Variants in RAF1 observed in about 807,000 individuals in gnomAD.
The protein encoded by RAF1 is Raf-1 proto-oncogene, serine/threonine kinase.
RAF1 carries 27 observed loss-of-function variants against 81.1 expected under a neutral mutation model. The ratio of observed to expected loss-of-function variants is 0.33; its 90% CI spans 0.25 to 0.46. The LOEUF (loss-of-function observed/expected upper bound fraction) is 0.46. RAF1 is among the 20% of genes least tolerant of loss of function. The pLI, the probability that RAF1 is intolerant of heterozygous loss-of-function variation, is 1.00. For synonymous variants in RAF1, 298 were observed against 294.0 expected (o/e 1.01, Z -0.14); for missense variants, 598 against 826.0 (o/e 0.72, Z 3.38).
At chr3:12,623,262 G>A (rs2059602258) in intron 1 of RAF1, among the ~76,000 whole-genome samples, 1 of 152,116 alleles carries the variant, frequency 6.6e-6, no homozygotes, top group African/African-American at 2.4e-5. Context: ...GATTGGTGAA[G>A]AATCCACTGA....
intron 1 of RAF1, among the ~76,000 whole-genome samples, chr3:12,639,882 T>C (rs912188575): frequency 1.3e-5 from 2 of 152,090 alleles, no homozygotes; most frequent in Admixed American, 1.3e-4. Context: ...AAAGTTCATA[T>C]GGAACCAAAA....
At chr3:12,619,195 A>G (rs2125455618) in intron 1 of RAF1, among the ~76,000 whole-genome samples, 1 of 151,972 alleles carries the variant, frequency 6.6e-6, no homozygotes, top group South Asian at 2.1e-4. Flanking sequence ...CAGTGAGCGG[A>G]GATCATGCCA....
At position 12,641,493 on chromosome 3, in the gene RAF1, T is replaced by G. The variant is rs1367093534; in HGVS notation, c.-27+22320A>C. On this transcript the variant is annotated intron_variant, in intron 1 of 17. Coordinates refer to ENST00000442415, the MANE Select transcript of RAF1 (RefSeq NM_001354689.3). Reference sequence around the variant, plus strand: ...CCCCAAAAAAAAATGTTTTTTGGTTTTTTTTTTTTTTTTTTTGAAACAGGG... The same window carrying G: ...CCCCAAAAAAAAATGTTTTTTGGTTGTTTTTTTTTTTTTTTTGAAACAGGG... Among the ~76,000 whole-genome samples the G allele has an allele frequency of 1.2e-4, 18 of 146,954 alleles. 1 individual carries two copies. Among genetic ancestry groups the G allele is most frequent in the African/African-American group, 2.8e-4 (11 of 38,860 alleles).
chr3:12,645,691 A>AAT (rs1295009998), intron 1 of RAF1, among the ~76,000 whole-genome samples: 3 of 152,128 alleles, frequency 2.0e-5, no homozygotes, highest in Non-Finnish European at 4.4e-5. Context: ...AGCTATCTAG[A>AAT]AGAGTTCCTA....
intron 11 of RAF1, among the ~76,000 whole-genome samples, chr3:12,595,634 G>A (rs148598749): frequency 2.0e-5 from 3 of 152,040 alleles, no homozygotes; most frequent in Middle Eastern, 3.4e-3. Flanking sequence ...GAGCAGGCCA[G>A]GTGAGTGGTC....
chr3:12,636,177 T>C (rs1167990833), intron 1 of RAF1, among the ~76,000 whole-genome samples: 1 of 151,044 alleles, frequency 6.6e-6, no homozygotes, highest in Non-Finnish European at 1.5e-5. Flanking sequence ...TCCCAGCTAC[T>C]TGGGAAGCTG....
At chr3:12,617,559 CTT>C (rs1379276689) in intron 2 of RAF1, among the ~76,000 whole-genome samples, 1 of 152,118 alleles carries the variant, frequency 6.6e-6, no homozygotes, top group African/African-American at 2.4e-5. Context: ...AGCCAGAAAA[CTT>C]TTTGAGAGCT....
At chr3:12,640,970 C>G (rs2125530975) in intron 1 of RAF1, among the ~76,000 whole-genome samples, 1 of 152,186 alleles carries the variant, frequency 6.6e-6, no homozygotes, top group East Asian at 1.9e-4. Context: ...ACCCAAATGT[C>G]CATCAATGAC....
intron 1 of RAF1, among the ~76,000 whole-genome samples, chr3:12,631,199 A>T (rs1393505143): frequency 6.6e-6 from 1 of 152,094 alleles, no homozygotes; most frequent in Admixed American, 6.6e-5. Context: ...TATATTAAAA[A>T]TAAATGACAT....
Position 12,656,182 on chromosome 3 carries a change from C to T in RAF1, c.-27+7631G>A, listed in dbSNP as rs2125580643. Among the ~76,000 whole-genome samples the T allele has an allele frequency of 1.3e-5, 2 of 149,370 alleles. 1 individual carries two copies. The highest frequency in any genetic ancestry group is 4.3e-4 in the South Asian group (2 of 4,676). On this transcript the variant is annotated intron_variant, in intron 1 of 17. Coordinates refer to ENST00000442415, the MANE Select transcript of RAF1 (RefSeq NM_001354689.3). ...ATCACAATCTCTCCTCTCAAAATCA[C>T]ACTATAATGCTGGACCAGACTAAGG...
chr3:12,638,811 G>A (rs1238020085), intron 1 of RAF1, among the ~76,000 whole-genome samples: 6 of 152,130 alleles, frequency 3.9e-5, no homozygotes, highest in South Asian at 4.1e-4. Flanking sequence ...TGAGATGGGC[G>A]GATCACCTGA....
intron 1 of RAF1, among the ~76,000 whole-genome samples, chr3:12,639,339 C>G (rs2060118339): frequency 6.6e-6 from 1 of 152,142 alleles, no homozygotes; most frequent in Non-Finnish European, 1.5e-5. Flanking sequence ...TCTCACCACT[C>G]CTATTTAACA....
chr3:12,618,380 T>A (rs2059442274), intron 2 of RAF1, 135 bp downstream of exon 2: 1 of 889,250 alleles, frequency 1.1e-6, no homozygotes. Flanking sequence ...AAAAAATAAA[T>A]CTGCAGTTAG....
At chr3:12,647,679 G>T (rs139629541) in intron 1 of RAF1, among the ~76,000 whole-genome samples, 58 of 152,284 alleles carry the variant, frequency 3.8e-4, no homozygotes, top group African/African-American at 1.3e-3. Context: ...CACATAAAAA[G>T]TTTCTGCTGA....
intron 1 of RAF1, among the ~76,000 whole-genome samples, chr3:12,645,492 A>G (rs1268280022): frequency 1.3e-5 from 2 of 152,194 alleles, no homozygotes; most frequent in African/African-American, 4.8e-5. Context: ...TAATACACTG[A>G]TTTGAATGGT....
At chr3:12,585,364 A>C in intron 15 of RAF1, 111 bp from the exon 15 acceptor site, 2 of 1,563,468 alleles carry the variant, frequency 1.3e-6, no homozygotes. Flanking sequence ...TCCATTCTTC[A>C]GTCCCCACAT....
Position 12,587,369 on chromosome 3 carries a change from A to AACCTAACCT in RAF1, c.1477+213_1477+221dup, listed in dbSNP as rs1405948224. On this transcript the variant is annotated intron_variant, in intron 14 of 17. Transcript: ENST00000442415. The stretch of plus-strand genomic sequence containing the variant: ...TTTTGCTGAGATAAACTCAGAAAGG[A>AACCTAACCT]ACCTAACCTAAACATCGCTCTCATC... The AACCTAACCT allele has an allele frequency of 1.2e-5, 7 of 591,488 alleles. No individual in the cohort carries two copies. The South Asian group carries it at 1.3e-4, about 11-fold the overall frequency. The allele number at this position is 591,488 out of a possible 1,614,324, so 36.6% of individuals were successfully genotyped here.
chr3:12,617,702 A>C (rs973026649), intron 2 of RAF1, among the ~76,000 whole-genome samples: 3 of 151,420 alleles, frequency 2.0e-5, no homozygotes, highest in Non-Finnish European at 4.4e-5. Context: ...CCTGGTTAAC[A>C]TGGTGAAACC....
intron 13 of RAF1, chr3:12,589,670 C>G (rs1342286715): frequency 6.6e-6 from 1 of 152,132 alleles, no homozygotes; most frequent in East Asian, 1.9e-4. Flanking sequence ...GAGACTGAGC[C>G]AAGAGGATAG....
Sources: gnomAD v4.1 joint callset for allele counts (sites outside exome capture counted in the v4.1 genomes callset) on GRCh38, gnomAD v4.1.1 for gene constraint, MANE v1.5 for transcripts, NCBI Gene and HGNC (gene_info 2026-07-23, HGNC 2026-07-21) for gene names.